Variants in JAKMIP1 observed in about 807,000 individuals in gnomAD.
JAKMIP1 encodes janus kinase and microtubule interacting protein 1.
In JAKMIP1, 33 loss-of-function variants were observed where a neutral mutation model predicts 113.0. The observed-to-expected ratio is 0.29, with a 90% CI of 0.22 to 0.39. JAKMIP1 has a LOEUF of 0.39. JAKMIP1 is among the 10% of genes least tolerant of loss of function. JAKMIP1 has a pLI of 1.00. For synonymous variants in JAKMIP1, 480 were observed against 459.9 expected (o/e 1.04, Z -0.56); for missense variants, 813 against 1,080.5 (o/e 0.75, Z 3.47).
chr4:6,155,111 G>A lies in JAKMIP1; in HGVS notation c.-147-42114C>T, dbSNP rs961409968. Among the ~76,000 whole-genome samples, 1 of 152,146 alleles carries A rather than the reference G, an allele frequency of 6.6e-6. No homozygotes were observed. Among genetic ancestry groups the A allele is most frequent in the Admixed American group, 6.5e-5 (1 of 15,290 alleles). ...ATACTTCTGGTGACAGTGTTGGGGTGTGCTGAAATTGGATCTGTGACAATG... is the reference window on the plus strand; with the variant it reads ...ATACTTCTGGTGACAGTGTTGGGGTATGCTGAAATTGGATCTGTGACAATG... On this transcript the variant is annotated intron_variant, in intron 1 of 20. Transcript: ENST00000409021. This position sits in a 1 kb window ranked among gnomAD's most constrained non-coding sequence, Gnocchi z 6.1.
chr4:6,173,984 G>A (rs903727547), intron 1 of JAKMIP1, among the ~76,000 whole-genome samples: 132 of 152,140 alleles, frequency 8.7e-4, no homozygotes, highest in African/African-American at 2.4e-3. Flanking sequence ...CAGGACAATC[G>A]CTTGAACCTG....
At chr4:6,101,852 G>A (rs1211480847) in intron 3 of JAKMIP1, among the ~76,000 whole-genome samples, 2 of 149,238 alleles carry the variant, frequency 1.3e-5, no homozygotes, top group Non-Finnish European at 3.0e-5. Flanking sequence ...GTTGCAGTGA[G>A]TTGAGATCAT....
intron 7 of JAKMIP1, among the ~76,000 whole-genome samples, chr4:6,079,968 T>C (rs1173062373): frequency 3.3e-5 from 5 of 152,170 alleles, no homozygotes; most frequent in African/African-American, 1.2e-4. Context: ...GTACCAGTGA[T>C]CTCATTTAAG....
In JAKMIP1 at chr4:6,143,425, G is replaced by A. The variant is rs138758969; in HGVS notation, c.-147-30428C>T. On this transcript the variant is annotated intron_variant, in intron 1 of 20. Coordinates refer to ENST00000409021, the MANE Select transcript of JAKMIP1 (RefSeq NM_001099433.2). The surrounding 1 kb of genome is among the most constrained non-coding windows in gnomAD (Gnocchi z 4.9). ...TCTCTGGCGCCATGTCTGAACCCAG[G>A]CTGGTAAGAGTCAACGGGTCCCCTC... 0.017 allele frequency among the ~76,000 whole-genome samples: 2,537 copies of A among 152,212 alleles called. 18 individuals are homozygous for A. Among genetic ancestry groups the A allele is most frequent in the Middle Eastern group, 0.051 (15 of 294 alleles).
chr4:6,068,771 T>C (rs903600335), intron 8 of JAKMIP1, among the ~76,000 whole-genome samples: 16 of 152,266 alleles, frequency 1.1e-4, no homozygotes, highest in South Asian at 1.0e-3. Flanking sequence ...GGTTTCACCA[T>C]GTTAGCCAGG....
intron 18 of JAKMIP1, among the ~76,000 whole-genome samples, chr4:6,039,487 G>A (rs922177878): frequency 6.6e-6 from 1 of 152,130 alleles, no homozygotes; most frequent in Non-Finnish European, 1.5e-5. Context: ...GAAAACACTA[G>A]GGAAGAACAG....
intron 2 of JAKMIP1, among the ~76,000 whole-genome samples, chr4:6,107,756 G>GGT (rs35430633): frequency 0.041 from 6,167 of 148,934 alleles, 367 homozygotes; most frequent in African/African-American, 0.14. Flanking sequence ...CTCTGTGGGG[G>GGT]GTGTGTGTGT....
chr4:6,066,202 C>T (rs1044642275), intron 8 of JAKMIP1, among the ~76,000 whole-genome samples: 5 of 151,958 alleles, frequency 3.3e-5, no homozygotes, highest in Admixed American at 2.0e-4. Flanking sequence ...AGGGCCCCTC[C>T]CAGCCTGAGT....
Position 6,062,311 on chromosome 4 carries a change from C to T in JAKMIP1, c.1560+1G>A. 1 of 1,612,180 alleles carries T rather than the reference C, an allele frequency of 6.2e-7. No homozygotes were observed. Among genetic ancestry groups the T allele is most frequent in the Non-Finnish European group, 8.5e-7 (1 of 1,179,894 alleles). ...CGAGCCCTGAGGCTGGCTGCACTCA[C>T]CCGGGCCTCCCTCTCAGCGTCCAGC... On this transcript the variant is annotated splice_donor_variant, in intron 10 of 20. Coordinates refer to ENST00000409021, the MANE Select transcript of JAKMIP1 (RefSeq NM_001099433.2). LOFTEE classifies it high-confidence loss of function.
intron 9 of JAKMIP1, among the ~76,000 whole-genome samples, chr4:6,063,730 G>A (rs1016927520): frequency 9.9e-5 from 15 of 152,212 alleles, no homozygotes; most frequent in Non-Finnish European, 1.5e-4. Flanking sequence ...ACCCATGGGA[G>A]GAAACCAGCC....
rs1417993365 is a variant in JAKMIP1, at chr4:6,157,370, A to G, written c.-148+42883T>C. Among the ~76,000 whole-genome samples the G allele has an allele frequency of 6.6e-6, 1 of 152,218 alleles. No homozygotes were observed. Among genetic ancestry groups the G allele is most frequent in the Non-Finnish European group, 1.5e-5 (1 of 68,032 alleles). On this transcript the variant is annotated intron_variant, in intron 1 of 20. Coordinates refer to ENST00000409021, the MANE Select transcript of JAKMIP1 (RefSeq NM_001099433.2). The surrounding 1 kb of genome is among the most constrained non-coding windows in gnomAD (Gnocchi z 4.7). ...TGGCGCACAACACAGGGTTGTCCCAAGAACCAAATGAGATTAAATTGAAAG... is the reference window on the plus strand; with the variant it reads ...TGGCGCACAACACAGGGTTGTCCCAGGAACCAAATGAGATTAAATTGAAAG...
chr4:6,117,899 T>A (rs962686082), intron 1 of JAKMIP1, among the ~76,000 whole-genome samples: 3 of 152,262 alleles, frequency 2.0e-5, no homozygotes, highest in African/African-American at 7.2e-5. Context: ...TCTCTCTTAT[T>A]CCCTGAACAA....
At chr4:6,078,126 C>G (rs1422193238) in intron 8 of JAKMIP1, among the ~76,000 whole-genome samples, 2 of 152,078 alleles carry the variant, frequency 1.3e-5, no homozygotes, top group African/African-American at 4.8e-5. Context: ...ACCAGCCTAG[C>G]CAAAATGGTG....
rs1712587255 is a variant in JAKMIP1 at position 6,031,089 on chromosome 4, A to C, written c.2380-1308T>G. 6.6e-6 allele frequency among the ~76,000 whole-genome samples: 1 copy of C among 152,222 alleles called. No homozygotes were observed. The highest frequency in any genetic ancestry group is 2.1e-4 in the South Asian group (1 of 4,822). On this transcript the variant is annotated intron_variant, in intron 19 of 20. Transcript: ENST00000409021. This position sits in a 1 kb window ranked among gnomAD's most constrained non-coding sequence, Gnocchi z 4.4. ...GTTCAATTACCGTTCAGACAATAGC[A>C]GCATACACATAAATAGAAGGGGCAT...
intron 3 of JAKMIP1, among the ~76,000 whole-genome samples, chr4:6,095,641 C>G (rs1241264347): frequency 6.6e-6 from 1 of 152,202 alleles, no homozygotes; most frequent in Non-Finnish European, 1.5e-5. Flanking sequence ...TGCAATAGAC[C>G]ACTGGCAGAA....
chr4:6,058,645 A>C (rs6821462), intron 11 of JAKMIP1, among the ~76,000 whole-genome samples: 42,057 of 152,220 alleles, frequency 0.28, 8,659 homozygotes, highest in African/African-American at 0.58. Flanking sequence ...GCAGTAAGGA[A>C]CCAATGCATA....
intron 19 of JAKMIP1, among the ~76,000 whole-genome samples, chr4:6,030,334 C>T (rs932727208): frequency 1.3e-5 from 2 of 151,954 alleles, no homozygotes; most frequent in Non-Finnish European, 2.9e-5. Flanking sequence ...CCACTCAGCA[C>T]GTGGTACCAG....
chr4:6,030,062 A>G (rs1712400031), intron 19 of JAKMIP1, among the ~76,000 whole-genome samples: 2 of 152,212 alleles, frequency 1.3e-5, no homozygotes, highest in Admixed American at 1.3e-4. Context: ...TGCCTGTTCT[A>G]GAAGTTTCTG....
intron 1 of JAKMIP1, among the ~76,000 whole-genome samples, chr4:6,170,609 T>C (rs1323438823): frequency 1.5e-5 from 2 of 133,578 alleles, no homozygotes; most frequent in African/African-American, 6.3e-5. Flanking sequence ...AACAGTGTCA[T>C]CACCACCACC....
Sources: allele counts gnomAD v4.1 joint callset (sites outside exome capture counted in the v4.1 genomes callset), GRCh38; gene constraint gnomAD v4.1.1; non-coding constraint Gnocchi (gnomAD v3.1); transcripts MANE v1.5; gene names NCBI Gene and HGNC (gene_info 2026-07-23, HGNC 2026-07-21).